The following CCNK variants were observed in gnomAD, a reference collection of about 807,000 sequenced individuals.
The protein encoded by CCNK is cyclin-K.
CCNK carries 9 observed loss-of-function variants against 65.0 expected under a neutral mutation model. That is an observed-to-expected ratio of 0.14 (90% CI 0.08 to 0.24). The LOEUF (loss-of-function observed/expected upper bound fraction) is 0.24, where lower values mean the gene tolerates loss of function less well. Among genes scored for constraint, CCNK ranks in the 10% least tolerant of loss-of-function variants. CCNK has a pLI of 1.00. For synonymous variants in CCNK, 279 were observed against 270.8 expected (o/e 1.03, Z -0.30); for missense variants, 474 against 720.0 (o/e 0.66, Z 3.91).
intron 4 of CCNK, among the ~76,000 whole-genome samples, chr14:99,498,124 A>G (rs1416593328): frequency 1.3e-5 from 2 of 152,212 alleles, no homozygotes; most frequent in Admixed American, 1.3e-4. Context: ...GGACCACAGC[A>G]GGGCATGGAC....
chr14:99,498,999 TGGGAAGCAGGTGGTGACAATGACATTCAA>T (rs1896761344), intron 4 of CCNK, among the ~76,000 whole-genome samples: 2 of 152,192 alleles, frequency 1.3e-5, no homozygotes, highest in Non-Finnish European at 2.9e-5. Flanking sequence ...TTGAAGCTTC[TGGGAAGCAGGTGGTGACAATGACATTCAA>T]AGAAAAAAAT....
intron 4 of CCNK, among the ~76,000 whole-genome samples, chr14:99,499,179 A>T (rs567059925): frequency 1.3e-5 from 2 of 152,290 alleles, no homozygotes; most frequent in Admixed American, 1.3e-4. Context: ...AGGGGACTAC[A>T]GGCGCCTGCC....
chr14:99,489,378 C>T (rs1472101494), intron 1 of CCNK, among the ~76,000 whole-genome samples: 1 of 152,044 alleles, frequency 6.6e-6, no homozygotes, highest in African/African-American at 2.4e-5. Context: ...TTTAAAATTT[C>T]GTTGGGGCCA....
In CCNK at chr14:99,503,261, C is replaced by CGTGTCCTAGCA. The variant is rs1896885833; in HGVS notation, c.1011+283_1011+293dup. On this transcript the variant is annotated intron_variant, in intron 8 of 10. Coordinates refer to ENST00000389879, the MANE Select transcript of CCNK (RefSeq NM_001099402.2). ...TTCTGAAGCCTGTCGGTGTCGTTGC[C>CGTGTCCTAGCA]GTGTCCTAGCAGTGTCGTTGTGCAT... is the stretch of plus-strand genomic sequence containing the variant. The CGTGTCCTAGCA allele has an allele frequency of 8.8e-5, 56 of 638,434 alleles. No individual in the cohort carries two copies. The South Asian group carries it at 9.2e-4, about 11-fold the overall frequency. 39.5% of individuals were successfully genotyped at this position (638,434 alleles called of 1,614,324 possible). A position where few individuals can be genotyped will look rare whatever the true frequency, so the allele number is the denominator to read the frequency against.
intron 6 of CCNK, 23 bp from the exon 7 acceptor site, chr14:99,502,184 C>CTT: frequency 6.5e-7 from 1 of 1,532,376 alleles, no homozygotes; most frequent in Non-Finnish European, 8.8e-7. Flanking sequence ...ATTATCTAAC[C>CTT]TTTTTTTTTC....
At position 99,510,200 on chromosome 14, in the gene CCNK, G is replaced by A. The variant is rs569686067; in HGVS notation, c.1161G>A (p.Pro387=). The change falls in exon 11 of 11, where the codon CCG becomes CCA. Residue 387 remains proline, a synonymous_variant. Transcript: ENST00000389879. The part of the protein sequence containing the change: ...PLAAALGEAE[P]PGPVDATDLP... ...CTGCTGCCTTAGGTGAGGCTGAGCC[G>A]CCGGGCCCTGTGGATGCCACTGACC... The A allele has an allele frequency of 3.1e-6, 5 of 1,596,854 alleles. No homozygotes were observed. The highest frequency in any genetic ancestry group is 4.3e-6 in the Non-Finnish European group (5 of 1,174,968).
chr14:99,509,710 C>T (rs1016243730), intron 10 of CCNK: 6 of 186,746 alleles, frequency 3.2e-5, no homozygotes, highest in East Asian at 1.6e-4. Flanking sequence ...TTTTAAGTGC[C>T]ATCACATTCA....
At chr14:99,503,842 A>G in intron 9 of CCNK, 198 bp downstream of exon 9, 1 of 585,032 alleles carries the variant, frequency 1.7e-6, no homozygotes, top group Admixed American at 3.2e-5. Flanking sequence ...TTACGAAGCT[A>G]TCAGTACAGA....
chr14:99,482,964 G>A (rs1182415866), intron 1 of CCNK, among the ~76,000 whole-genome samples: 2 of 152,164 alleles, frequency 1.3e-5, no homozygotes, highest in Non-Finnish European at 2.9e-5. Flanking sequence ...TAATTGAGGA[G>A]ATTACAGAGT....
At chr14:99,486,064 G>C (rs1348278038) in intron 1 of CCNK, among the ~76,000 whole-genome samples, 2 of 152,146 alleles carry the variant, frequency 1.3e-5, no homozygotes, top group African/African-American at 4.8e-5. Flanking sequence ...AGTATTTGCA[G>C]AGTCATGAAA....
intron 1 of CCNK, among the ~76,000 whole-genome samples, chr14:99,487,886 C>T (rs911778824): frequency 2.6e-5 from 4 of 152,184 alleles, no homozygotes; most frequent in African/African-American, 9.7e-5. Context: ...CACACATAAG[C>T]AAGTATTCCT....
At chr14:99,497,726 ATTGCT>A (rs1455784740) in intron 4 of CCNK, among the ~76,000 whole-genome samples, 1 of 152,156 alleles carries the variant, frequency 6.6e-6, no homozygotes, top group African/African-American at 2.4e-5. Flanking sequence ...CATTCTCCTC[ATTGCT>A]TTGAGGAGTT....
chr14:99,507,329 C>T (rs1427696341), intron 10 of CCNK, 182 bp downstream of exon 10: 10 of 603,960 alleles, frequency 1.7e-5, no homozygotes, highest in East Asian at 1.4e-4. Flanking sequence ...TTGATCCCAG[C>T]ACTTTGGGAG....
At position 99,510,168 on chromosome 14, in the gene CCNK, C is replaced by T; in HGVS notation, c.1129C>T (p.Pro377Ser). 6.3e-7 allele frequency: 1 copy of T among 1,597,064 alleles called. No homozygotes were observed. The highest frequency in any genetic ancestry group is 8.5e-7 in the Non-Finnish European group (1 of 1,175,194). Residue 377 changes from proline (P) to serine (S), a missense_variant, in exon 11 of 11, where the codon CCC becomes TCC. Coordinates refer to ENST00000389879, the MANE Select transcript of CCNK (RefSeq NM_001099402.2). ...PAHPPPDRKP[P>S]LAAALGEAEP... ...TCTCTCTCCTGCAGACCGGAAGCCT[C>T]CCCTCGCTGCTGCCTTAGGTGAGGC...
At position 99,502,626 on chromosome 14, in the gene CCNK, C is replaced by G. The variant is rs1437764134; in HGVS notation, c.746-93C>G. On this transcript the variant is annotated intron_variant, in intron 7 of 10. Coordinates refer to ENST00000389879, the MANE Select transcript of CCNK (RefSeq NM_001099402.2). ...TTGTAAATGTGATTCATGCTTAGGT[C>G]CTCGTAGGGGTATCATAACTGATTC... is the stretch of plus-strand genomic sequence containing the variant. 2.3e-6 allele frequency: 3 copies of G among 1,283,902 alleles called. No homozygotes were observed. In the African/African-American group the frequency reaches 4.4e-5, roughly 19 times the overall value. The allele number at this position is 1,283,902 out of a possible 1,614,324, so 79.5% of individuals were successfully genotyped here.
At chr14:99,500,689 A>C in intron 4 of CCNK, 77 bp from the exon 5 acceptor site, 1 of 926,576 alleles carries the variant, frequency 1.1e-6, no homozygotes. Flanking sequence ...ATAAATAGAC[A>C]GGAAAGCTCA....
At position 99,502,271 on chromosome 14, in the gene CCNK, G is replaced by A. The variant is rs760617667; in HGVS notation, c.640G>A (p.Ala214Thr). The A allele has an allele frequency of 3.1e-6, 5 of 1,608,826 alleles. No individual in the cohort carries two copies. The highest frequency in any genetic ancestry group is 1.7e-5 in the Admixed American group (1 of 59,300). ...CATAGCAGTAGCAGTGATGTATCTC[G>A]CAGGACGTTTGTGCAAATTTGAAAT... Reference protein sequence around the residue: ...EIIAVAVMYLAGRLCKFEIQE... With the variant: ...EIIAVAVMYLTGRLCKFEIQE... The change falls in exon 7 of 11, where the codon GCA becomes ACA. Residue 214 changes from alanine to threonine, a missense_variant. Ala to Thr is a moderately conservative substitution (Grantham distance 58, BLOSUM62 0). Around this residue, in one of 6 missense-constraint regions of CCNK, gnomAD observed 67 missense variants for 150.2 expected, o/e 0.45. Transcript: ENST00000389879.
At chr14:99,501,467 T>C (rs1440707234) in intron 6 of CCNK, 54 bp downstream of exon 6, 2 of 1,159,350 alleles carry the variant, frequency 1.7e-6, no homozygotes, top group African/African-American at 3.0e-5. Context: ...GGCAGAGACT[T>C]TATGGACCAT....
intron 4 of CCNK, chr14:99,500,034 T>G (rs1012021580): frequency 6.6e-6 from 1 of 152,192 alleles, no homozygotes; most frequent in Admixed American, 6.5e-5. Flanking sequence ...AGCTATTGTA[T>G]CCCACCCAAA....
Sources: allele counts gnomAD v4.1 joint callset (sites outside exome capture counted in the v4.1 genomes callset), GRCh38; gene constraint gnomAD v4.1.1; regional missense constraint gnomAD v4.1.1; transcripts MANE v1.5; gene names NCBI Gene and HGNC (gene_info 2026-07-23, HGNC 2026-07-21).